Variants in NBAS observed in about 807,000 individuals in gnomAD.
NBAS encodes the protein NBAS subunit of NRZ tethering complex, also known as NAG/BC035112 fusion.
A neutral mutation model predicts 302.5 loss-of-function variants in NBAS; 219 were observed. The observed-to-expected ratio is 0.72, with a 90% confidence interval of 0.65 to 0.81. The LOEUF (loss-of-function observed/expected upper bound fraction) is 0.81. NBAS is among the 30% of genes least tolerant of loss of function. The probability of loss-of-function intolerance (pLI) is 0.00; values close to 1 mark genes in which losing one functional copy is unlikely to be tolerated. For synonymous variants in NBAS, 1,118 were observed against 1,021.6 expected, an observed-to-expected ratio of 1.09 and a Z score of -1.80; for missense variants, 2,932 against 2,841.6, an observed-to-expected ratio of 1.03 and a Z score of -0.72.
At chr2:15,546,684 C>A (rs561295376) in intron 6 of NBAS, among the ~76,000 whole-genome samples, 1 of 152,122 alleles carries the variant, frequency 6.6e-6, no homozygotes, top group Non-Finnish European at 1.5e-5. Flanking sequence ...GCCTAGATGG[C>A]GCCACTGCAC....
Position 15,504,780 on chromosome 2 carries a change from C to T in NBAS, c.886-567G>A, listed in dbSNP as rs564039745. Among the ~76,000 whole-genome samples, 684 of 152,254 alleles carry T rather than the reference C, an allele frequency of 4.5e-3. 9 individuals carry two copies. The highest frequency in any genetic ancestry group is 6.9e-3 in the Non-Finnish European group (468 of 68,020). On this transcript the variant is annotated intron_variant, in intron 10 of 51. Transcript: ENST00000281513. ...CTATTGATGGGAACATAAAACCGTA[C>T]AGCCACTGTGGAAGAAGCTTGGTGG...
At chr2:14,986,811 C>T in the NBAS span, among the ~76,000 whole-genome samples, 2 of 152,148 alleles carry the variant, frequency 1.3e-5, no homozygotes, top group East Asian at 3.9e-4. Flanking sequence ...TAAAGTAAGA[C>T]TCTTCAAAGT....
At chr2:14,997,527 T>A in the NBAS span, among the ~76,000 whole-genome samples, 1 of 152,060 alleles carries the variant, frequency 6.6e-6, no homozygotes, top group Non-Finnish European at 1.5e-5. Context: ...ATTTAAGATG[T>A]ACAACATGGT....
the NBAS span, among the ~76,000 whole-genome samples, chr2:15,009,126 C>T: frequency 4.0e-4 from 61 of 152,292 alleles, no homozygotes; most frequent in African/African-American, 1.3e-3. Flanking sequence ...TGCTAAATGA[C>T]AAATGTCATA....
chr2:15,252,041 T>C (rs1329730804), intron 44 of NBAS, among the ~76,000 whole-genome samples: 2 of 152,170 alleles, frequency 1.3e-5, no homozygotes. Context: ...TATCATCATC[T>C]TCATGCCTTG....
the NBAS span, among the ~76,000 whole-genome samples, chr2:15,028,893 A>G: frequency 2.6e-5 from 4 of 152,164 alleles, no homozygotes; most frequent in African/African-American, 7.2e-5. Flanking sequence ...CCATTTGTTA[A>G]TTCTTTCTCT....
the NBAS span, among the ~76,000 whole-genome samples, chr2:15,052,278 C>G: frequency 6.6e-6 from 1 of 152,192 alleles, no homozygotes; most frequent in Non-Finnish European, 1.5e-5. Context: ...AAGACCATAT[C>G]CATATATTTT....
intron 51 of NBAS, among the ~76,000 whole-genome samples, chr2:15,176,077 G>A (rs1334560479): frequency 6.6e-6 from 1 of 152,088 alleles, no homozygotes; most frequent in Non-Finnish European, 1.5e-5. Context: ...TAATGGACAC[G>A]GTGAATAGCA....
chr2:15,355,548 T>G (rs112837623), intron 33 of NBAS, among the ~76,000 whole-genome samples: 33 of 152,310 alleles, frequency 2.2e-4, no homozygotes, highest in African/African-American at 5.5e-4. Context: ...CCAAACCTCA[T>G]GTTGAAATGT....
At chr2:15,313,538 T>C (rs1031127877) in intron 38 of NBAS, among the ~76,000 whole-genome samples, 1 of 152,250 alleles carries the variant, frequency 6.6e-6, no homozygotes, top group African/African-American at 2.4e-5. Context: ...TGTTATGCTA[T>C]GACAAACAAT....
the NBAS span, among the ~76,000 whole-genome samples, chr2:14,948,657 C>CTACCT: frequency 6.6e-6 from 1 of 151,746 alleles, no homozygotes; most frequent in Non-Finnish European, 1.5e-5. Context: ...GTTAGGATGA[C>CTACCT]AATACTACCT....
chr2:15,383,120 C>T, intron 29 of NBAS, 95 bp downstream of exon 29: 2 of 1,026,944 alleles, frequency 1.9e-6, no homozygotes, highest in Non-Finnish European at 3.0e-6. Flanking sequence ...AATATTACTT[C>T]CAGGGTAGCT....
intron 9 of NBAS, among the ~76,000 whole-genome samples, chr2:15,527,957 A>G (rs1663002838): frequency 6.6e-6 from 1 of 152,052 alleles, no homozygotes; most frequent in Non-Finnish European, 1.5e-5. Context: ...CCTCAGCTCA[A>G]AAATTTGAGT....
the NBAS span, among the ~76,000 whole-genome samples, chr2:15,010,533 C>T: frequency 6.6e-6 from 1 of 152,148 alleles, no homozygotes; most frequent in African/African-American, 2.4e-5. Flanking sequence ...TGAAAGTGAA[C>T]CCAACCAAGT....
the NBAS span, among the ~76,000 whole-genome samples, chr2:14,929,739 G>A: frequency 6.6e-6 from 1 of 151,992 alleles, no homozygotes; most frequent in Non-Finnish European, 1.5e-5. Context: ...TTAAATCTCT[G>A]AATATTCCTA....
chr2:15,525,661 T>TG (rs2148667223), intron 9 of NBAS, among the ~76,000 whole-genome samples: 1 of 152,282 alleles, frequency 6.6e-6, no homozygotes, highest in African/African-American at 2.4e-5. Flanking sequence ...AAAGTAGGCA[T>TG]GTTCTCTGCC....
Position 15,458,500 on chromosome 2 carries a change from G to A in NBAS, c.2339+2701C>T, listed in dbSNP as rs541783898. On this transcript the variant is annotated intron_variant, in intron 21 of 51. Coordinates refer to ENST00000281513, the MANE Select transcript of NBAS (RefSeq NM_015909.4). ...GTTAGTTCCAGTTGTTTAAGAGTCT[G>A]GGACCTCCCCCTTTTCTCTCTTGCT... Among the ~76,000 whole-genome samples the A allele has an allele frequency of 7.2e-5, 11 of 152,186 alleles. 1 individual carries two copies. In the South Asian group the frequency reaches 1.5e-3, roughly 20 times the overall value.
At chr2:15,480,795 G>T (rs772895899) in intron 12 of NBAS, among the ~76,000 whole-genome samples, 1 of 152,084 alleles carries the variant, frequency 6.6e-6, no homozygotes, top group Non-Finnish European at 1.5e-5. Context: ...TTTTTAGGGG[G>T]GATGTTAATG....
intron 42 of NBAS, among the ~76,000 whole-genome samples, chr2:15,278,952 T>C (rs535936174): frequency 2.6e-5 from 4 of 152,230 alleles, no homozygotes; most frequent in African/African-American, 7.2e-5. Flanking sequence ...TATAAATGGC[T>C]GGGTGGTCAG....
Sources: gnomAD v4.1 joint callset for allele counts (sites outside exome capture counted in the v4.1 genomes callset) on GRCh38, gnomAD v4.1.1 for gene constraint, MANE v1.5 for transcripts, NCBI Gene and HGNC (gene_info 2026-07-23, HGNC 2026-07-21) for gene names.